PLSCR5: variants seen among roughly 807,000 people sequenced by gnomAD.
The protein encoded by PLSCR5 is phospholipid scramblase family member 5.
In PLSCR5, 44 loss-of-function variants were observed where a neutral mutation model predicts 33.6. The ratio of observed to expected loss-of-function variants is 1.31; its 90% CI spans 1.03 to 1.69. The LOEUF is 1.69. PLSCR5 is among the 40% of genes most tolerant of loss of function. The probability of loss-of-function intolerance (pLI) is 0.00; values close to 1 mark genes in which losing one functional copy is unlikely to be tolerated. For synonymous variants in PLSCR5, 148 were observed against 112.3 expected (o/e 1.32, Z -2.01); for missense variants, 375 against 318.7 (o/e 1.18, Z -1.34).
At chr3:146,589,601 C>T in intron 6 of PLSCR5, 52 bp downstream of exon 6, 1 of 1,406,018 alleles carries the variant, frequency 7.1e-7, no homozygotes. Flanking sequence ...TTGTAATTAA[C>T]AAGCAAGAGG....
intron 2 of PLSCR5, among the ~76,000 whole-genome samples, chr3:146,599,005 G>A (rs1216987329): frequency 1.3e-5 from 2 of 152,194 alleles, no homozygotes; most frequent in African/African-American, 4.8e-5. Flanking sequence ...TTTTGATAAA[G>A]GAGATAGACT....
At chr3:146,596,783 TATC>T (rs1425716582) in intron 2 of PLSCR5, among the ~76,000 whole-genome samples, 1 of 152,216 alleles carries the variant, frequency 6.6e-6, no homozygotes, top group Non-Finnish European at 1.5e-5. Context: ...GTAAAACTAA[TATC>T]ATTTTCTCTA....
chr3:146,584,716 T>C (rs1328638738), downstream of PLSCR5, among the ~76,000 whole-genome samples: 1 of 152,130 alleles, frequency 6.6e-6, no homozygotes, highest in Non-Finnish European at 1.5e-5. Flanking sequence ...TTCATTTTTA[T>C]GTTATACAGC....
At chr3:146,600,213 T>A (rs16858584) in intron 2 of PLSCR5, 75 bp downstream of exon 2, 107,317 of 1,146,688 alleles carry the variant, frequency 0.094, 5,808 homozygotes, top group African/African-American at 0.24. Flanking sequence ...TCAACCTTGA[T>A]TGAAAAGCCA....
chr3:146,594,058 G>A lies in PLSCR5; in HGVS notation c.315C>T (p.Ser105=). 6.2e-7 allele frequency: 1 copy of A among 1,613,704 alleles called. No individual in the cohort carries two copies. The highest frequency in any genetic ancestry group is 8.5e-7 in the Non-Finnish European group (1 of 1,179,758). The change falls in exon 4 of 8, where the codon AGC becomes AGT. Residue 105 remains serine (S), a synonymous_variant. Coordinates refer to ENST00000443512, the MANE Select transcript of PLSCR5 (RefSeq NM_001085420.2). Reference sequence around the variant, plus strand: ...AACAGAAAGTACGATTGAAGCAGATGCTTTCCTCCACTGCAAAGTAAATTC... The same window carrying A: ...AACAGAAAGTACGATTGAAGCAGATACTTTCCTCCACTGCAAAGTAAATTC... ...GQRIYFAVEE[S]ICFNRTFCST...
At chr3:146,591,593 A>T (rs2044714552) in intron 5 of PLSCR5, 127 bp downstream of exon 5, 1 of 1,057,834 alleles carries the variant, frequency 9.5e-7, no homozygotes, top group Non-Finnish European at 1.4e-6. Context: ...TGATTACATT[A>T]TATTACAAAT....
chr3:146,583,523 G>A (rs966203366), downstream of PLSCR5, among the ~76,000 whole-genome samples: 5 of 152,112 alleles, frequency 3.3e-5, no homozygotes, highest in African/African-American at 1.2e-4. Flanking sequence ...AAATCATAAG[G>A]TCTGGCTAGT....
intron 4 of PLSCR5, among the ~76,000 whole-genome samples, chr3:146,593,448 G>A (rs951834681): frequency 6.6e-6 from 1 of 152,100 alleles, no homozygotes; most frequent in Admixed American, 6.6e-5. Context: ...CAATAACATT[G>A]TCTTGCCAAA....
At chr3:146,586,411 C>T (rs1041043228) in intron 6 of PLSCR5, among the ~76,000 whole-genome samples, 3 of 151,944 alleles carry the variant, frequency 2.0e-5, no homozygotes, top group South Asian at 2.1e-4. Flanking sequence ...TTTTAAGCTT[C>T]GTGACTTTTT....
intron 3 of PLSCR5, 76 bp downstream of exon 3, chr3:146,594,965 A>T: frequency 1.2e-6 from 1 of 836,672 alleles, no homozygotes; most frequent in African/African-American, 1.8e-5. Context: ...TAACATATTT[A>T]GATGCAAAGA....
At chr3:146,579,832 G>C (rs1055566699) in intron 7 of PLSCR5, among the ~76,000 whole-genome samples, 7 of 152,202 alleles carry the variant, frequency 4.6e-5, no homozygotes, top group African/African-American at 1.7e-4. Context: ...AGCTGAGTGG[G>C]ACAATGTGGC....
At chr3:146,586,492 C>G (rs1313999872) in intron 6 of PLSCR5, among the ~76,000 whole-genome samples, 1 of 152,112 alleles carries the variant, frequency 6.6e-6, no homozygotes, top group Non-Finnish European at 1.5e-5. Context: ...TATTGTCAAA[C>G]TTTTGGGTGA....
At chr3:146,579,113 C>A (rs1448011017) in intron 7 of PLSCR5, among the ~76,000 whole-genome samples, 3 of 151,884 alleles carry the variant, frequency 2.0e-5, no homozygotes, top group Non-Finnish European at 4.4e-5. Context: ...ACAATTCCCA[C>A]CTATTTTTAA....
chr3:146,577,361 T>C (rs991873824), intron 7 of PLSCR5, among the ~76,000 whole-genome samples: 2 of 152,130 alleles, frequency 1.3e-5, no homozygotes, highest in Non-Finnish European at 2.9e-5. Context: ...GTTTGGCCTA[T>C]ACATTTCCTC....
chr3:146,598,837 C>T (rs893579721), intron 2 of PLSCR5, among the ~76,000 whole-genome samples: 1 of 152,216 alleles, frequency 6.6e-6, no homozygotes, highest in African/African-American at 2.4e-5. Context: ...TCCCTGAGCT[C>T]TCCAGTCTCT....
At chr3:146,596,834 T>C (rs960602482) in intron 2 of PLSCR5, among the ~76,000 whole-genome samples, 1 of 152,162 alleles carries the variant, frequency 6.6e-6, no homozygotes, top group African/African-American at 2.4e-5. Flanking sequence ...ATGTGTGGCC[T>C]CTTTTTTAAG....
intron 5 of PLSCR5, among the ~76,000 whole-genome samples, chr3:146,591,317 C>T (rs995348164): frequency 1.2e-4 from 18 of 151,912 alleles, no homozygotes; most frequent in Admixed American, 1.2e-3. Context: ...TGTTCAAAGT[C>T]TTGCACACAT....
At chr3:146,599,584 T>G in intron 2 of PLSCR5, among the ~76,000 whole-genome samples, 1 of 152,004 alleles carries the variant, frequency 6.6e-6, no homozygotes. Flanking sequence ...GGTTTCGTGC[T>G]TTTTATATGT....
intron 4 of PLSCR5, among the ~76,000 whole-genome samples, chr3:146,592,947 C>A (rs1229413041): frequency 1.3e-5 from 2 of 152,114 alleles, no homozygotes; most frequent in East Asian, 3.9e-4. Flanking sequence ...GGGCTCCATG[C>A]ACGAGCACTT....
Sources: allele counts gnomAD v4.1 joint callset (sites outside exome capture counted in the v4.1 genomes callset), GRCh38; gene constraint gnomAD v4.1.1; transcripts MANE v1.5; gene names NCBI Gene and HGNC (gene_info 2026-07-23, HGNC 2026-07-21).